The following CCDC88A variants were observed in gnomAD, a reference collection of about 807,000 sequenced individuals.
CCDC88A encodes the protein girdin.
A neutral mutation model predicts 234.3 loss-of-function variants in CCDC88A; 54 were observed. The ratio of observed to expected loss-of-function variants is 0.23; its 90% CI spans 0.19 to 0.29. CCDC88A has a LOEUF of 0.29. CCDC88A is among the 10% of genes least tolerant of loss of function. The probability of loss-of-function intolerance (pLI) is 1.00; values close to 1 mark genes in which losing one functional copy is unlikely to be tolerated. For missense variants in CCDC88A, 1,832 were observed against 2,123.4 expected (o/e 0.86, Z 2.70); for synonymous variants, 753 against 737.8 (o/e 1.02, Z -0.33).
At chr2:55,368,486 TA>T (rs1229094404) in intron 5 of CCDC88A, among the ~76,000 whole-genome samples, 2 of 151,454 alleles carry the variant, frequency 1.3e-5, no homozygotes, top group South Asian at 2.1e-4. Flanking sequence ...CCTCTTTAAT[TA>T]AAAAAAAATT....
At chr2:55,320,167 C>G (rs1683449664) in intron 18 of CCDC88A, among the ~76,000 whole-genome samples, 1 of 152,026 alleles carries the variant, frequency 6.6e-6, no homozygotes, top group African/African-American at 2.4e-5. Context: ...AAAAGGAATA[C>G]TGATAGTACT....
intron 5 of CCDC88A, among the ~76,000 whole-genome samples, chr2:55,367,528 G>GTTTTTTTTTTTTTTTTTTT: frequency 0.031 from 3,105 of 99,384 alleles, 530 homozygotes; most frequent in African/African-American, 0.095. Flanking sequence ...TTATTTCCTT[G>GTTTTTTTTTTTTTTTTTTT]TTTTTTTTTA....
chr2:55,387,779 CAAAAAAA>C (rs66479611), intron 3 of CCDC88A, among the ~76,000 whole-genome samples: 4 of 64,852 alleles, frequency 6.2e-5, no homozygotes, highest in African/African-American at 1.1e-4. Context: ...GGCTCCATCT[CAAAAAAA>C]AAAAAAAAAA....
chr2:55,391,768 A>G (rs13013113), intron 2 of CCDC88A, among the ~76,000 whole-genome samples: 45,858 of 152,116 alleles, frequency 0.3, 7,315 homozygotes, highest in East Asian at 0.54. Context: ...AACAGAGACT[A>G]AATGATCTAT....
intron 9 of CCDC88A, among the ~76,000 whole-genome samples, chr2:55,347,092 C>A (rs1036643715): frequency 2.6e-5 from 4 of 151,992 alleles, no homozygotes; most frequent in African/African-American, 9.7e-5. Context: ...TAAAATAAAT[C>A]ATTAATTACT....
intron 23 of CCDC88A, among the ~76,000 whole-genome samples, chr2:55,311,899 T>C (rs1251871754): frequency 6.6e-6 from 1 of 152,184 alleles, no homozygotes; most frequent in Non-Finnish European, 1.5e-5. Context: ...AACTGGGTCC[T>C]GACTGTTTAG....
chr2:55,349,925 A>G (rs752939335), intron 8 of CCDC88A: 5 of 171,958 alleles, frequency 2.9e-5, no homozygotes, highest in Non-Finnish European at 6.1e-5. Context: ...AGTCACAGAC[A>G]GTTAAGCTAA....
intron 7 of CCDC88A, among the ~76,000 whole-genome samples, chr2:55,358,860 T>C (rs1443910898): frequency 1.3e-5 from 2 of 152,166 alleles, no homozygotes; most frequent in Non-Finnish European, 2.9e-5. Context: ...TCTATCCCTC[T>C]ATCAGCATGC....
intron 12 of CCDC88A, among the ~76,000 whole-genome samples, chr2:55,341,595 C>T (rs1026452980): frequency 1.3e-5 from 2 of 151,754 alleles, no homozygotes; most frequent in South Asian, 4.2e-4. Flanking sequence ...CAGGTGTGCG[C>T]CACCATGCCT....
Position 55,291,663 on chromosome 2 carries a change from G to T in CCDC88A, c.*35+13C>A. 1 of 1,196,772 alleles carries T rather than the reference G, an allele frequency of 8.4e-7. No individual in the cohort carries two copies. The highest frequency in any genetic ancestry group is 1.2e-6 in the Non-Finnish European group (1 of 822,638). 74.1% of individuals were successfully genotyped at this position (1,196,772 alleles called of 1,614,324 possible). A position where few individuals can be genotyped will look rare whatever the true frequency, so the allele number is the denominator to read the frequency against. On this transcript the variant is annotated intron_variant, in intron 32 of 32. Transcript: ENST00000436346. ...GAGACTAATCTCATTTACATTTTAA[G>T]CAGGAAACTCACCACTTGGCCCACA...
intron 8 of CCDC88A, 89 bp downstream of exon 8, chr2:55,355,490 C>T (rs1326441974): frequency 2.7e-6 from 3 of 1,107,120 alleles, no homozygotes; most frequent in Non-Finnish European, 4.1e-6. Flanking sequence ...CTGACACAAG[C>T]TAGCAATATT....
chr2:55,349,269 T>C (rs1574226190), intron 9 of CCDC88A: 2 of 408,790 alleles, frequency 4.9e-6, no homozygotes. Context: ...AAAAGAAAAA[T>C]GTGGAACTAC....
In CCDC88A at chr2:55,322,673, G is replaced by T; in HGVS notation, c.3017C>A (p.Ala1006Asp). The change falls in exon 18 of 33, where the codon GCT (alanine) becomes GAT (aspartate). Residue 1006 changes from alanine to aspartate, a missense_variant. Physicochemically the swap from Ala to Asp is moderately radical, Grantham distance 126 (BLOSUM62 -2). Coordinates refer to ENST00000436346, the MANE Select transcript of CCDC88A (RefSeq NM_001365480.1). ...ELKTVKKNYE[A>D]LKQRQDEERM... ...TTCCTCATCTTGTCTCTGTTTGAGA[G>T]CTTCATAATTTTTTTTCACCTAAAA... 6.5e-7 allele frequency: 1 copy of T among 1,531,030 alleles called. No individual in the cohort carries two copies. The highest frequency in any genetic ancestry group is 1.4e-5 in the African/African-American group (1 of 71,478). 94.8% of individuals were successfully genotyped at this position (1,531,030 alleles called of 1,614,324 possible).
intron 3 of CCDC88A, among the ~76,000 whole-genome samples, chr2:55,385,578 C>T (rs937918681): frequency 1.3e-5 from 2 of 152,074 alleles, no homozygotes; most frequent in African/African-American, 2.4e-5. Flanking sequence ...TCTAGCCGGG[C>T]GCGGTGGCTC....
chr2:55,382,665 G>A (rs575258760), intron 3 of CCDC88A, among the ~76,000 whole-genome samples: 1 of 152,188 alleles, frequency 6.6e-6, no homozygotes, highest in East Asian at 1.9e-4. Flanking sequence ...TTTATTTTCT[G>A]ACTTGAAAAC....
intron 3 of CCDC88A, among the ~76,000 whole-genome samples, chr2:55,379,289 C>T (rs887893124): frequency 2.6e-5 from 4 of 151,914 alleles, no homozygotes; most frequent in Admixed American, 1.3e-4. Context: ...TTTACTAAGA[C>T]GAGGAACAAA....
chr2:55,294,589 A>C, intron 31 of CCDC88A: 3 of 986,224 alleles, frequency 3.0e-6, no homozygotes, highest in Non-Finnish European at 3.6e-6. Flanking sequence ...TACATATGTA[A>C]TATAAAGTAC....
rs1252228793 is a variant in CCDC88A, at chr2:55,419,357, G to C, written c.-278C>G. 2.4e-6 allele frequency: 1 copy of C among 414,894 alleles called. No homozygotes were observed. Among genetic ancestry groups the C allele is most frequent in the African/African-American group, 2.0e-5 (1 of 49,392 alleles). 25.7% of individuals were successfully genotyped at this position (414,894 alleles called of 1,614,324 possible). A position where few individuals can be genotyped will look rare whatever the true frequency, so the allele number is the denominator to read the frequency against. Reference sequence around the variant, plus strand: ...AGGAGGGGCAGAGAAAAGGCATCTGGAGGAGGAGGAAGGGAAAGGGGGCTG... The same window carrying C: ...AGGAGGGGCAGAGAAAAGGCATCTGCAGGAGGAGGAAGGGAAAGGGGGCTG... On this transcript the variant is annotated 5_prime_UTR_variant, in exon 1 of 33. Coordinates refer to ENST00000436346, the MANE Select transcript of CCDC88A (RefSeq NM_001365480.1).
intron 2 of CCDC88A, chr2:55,404,318 A>AT (rs1679197671): frequency 6.6e-6 from 1 of 152,136 alleles, no homozygotes; most frequent in South Asian, 2.1e-4. Context: ...AATTTCTCTA[A>AT]TTTTTTAAAA....
Sources: allele counts gnomAD v4.1 joint callset (sites outside exome capture counted in the v4.1 genomes callset), GRCh38; gene constraint gnomAD v4.1.1; transcripts MANE v1.5; gene names NCBI Gene and HGNC (gene_info 2026-07-23, HGNC 2026-07-21).